The following TMEM229B variants were observed in gnomAD, a reference collection of about 807,000 sequenced individuals.
The protein encoded by TMEM229B is chromosome 14 open reading frame 83.
TMEM229B carries 6 observed loss-of-function variants against 13.7 expected under a neutral mutation model. The observed-to-expected ratio is 0.44, with a 90% confidence interval of 0.24 to 0.86. The LOEUF (loss-of-function observed/expected upper bound fraction) is 0.86, where lower values mean the gene tolerates loss of function less well. TMEM229B is among the 40% of genes least tolerant of loss of function. The pLI is 0.23. For synonymous variants in TMEM229B, 107 were observed against 102.1 expected (o/e 1.05, Z -0.29); for missense variants, 170 against 236.0 (o/e 0.72, Z 1.83).
chr14:67,493,573 C>T (rs572194685), upstream of TMEM229B, among the ~76,000 whole-genome samples: 11 of 152,262 alleles, frequency 7.2e-5, 1 homozygote, highest in South Asian at 1.0e-3. Context: ...TTTCACTTTG[C>T]GACACCAAGC....
At chr14:67,500,568 T>C (rs1349053994) in intron 1 of TMEM229B, among the ~76,000 whole-genome samples, 1 of 148,360 alleles carries the variant, frequency 6.7e-6, no homozygotes, top group Non-Finnish European at 1.5e-5. Flanking sequence ...TCCATGTGCA[T>C]TTGGATTTTT....
chr14:67,527,403 A>C (rs2033384656), intron 1 of TMEM229B, among the ~76,000 whole-genome samples: 1 of 152,152 alleles, frequency 6.6e-6, no homozygotes. Flanking sequence ...GCACCATTGC[A>C]CTCCAGCCTG....
At chr14:67,479,404 C>T (rs1443957299) in intron 2 of TMEM229B, among the ~76,000 whole-genome samples, 1 of 132,190 alleles carries the variant, frequency 7.6e-6, no homozygotes, top group Non-Finnish European at 1.5e-5. Context: ...GAGCAAGACT[C>T]TGTCTCAAAA....
chr14:67,497,504 C>T (rs1401738488), intron 1 of TMEM229B, among the ~76,000 whole-genome samples: 5 of 152,126 alleles, frequency 3.3e-5, no homozygotes, highest in South Asian at 2.1e-4. Context: ...ACCTGGAATG[C>T]AATTCCCACG....
At chr14:67,532,783 G>A (rs1019908408) in intron 1 of TMEM229B, among the ~76,000 whole-genome samples, 5 of 152,212 alleles carry the variant, frequency 3.3e-5, no homozygotes, top group Admixed American at 3.3e-4. Flanking sequence ...ACTGAAATAT[G>A]GACTTCTGTT....
intron 1 of TMEM229B, among the ~76,000 whole-genome samples, chr14:67,497,649 G>A (rs899792784): frequency 5.3e-5 from 8 of 152,158 alleles, no homozygotes; most frequent in African/African-American, 9.7e-5. Flanking sequence ...GTTTTTGCAC[G>A]ATTTTAACAC....
intron 2 of TMEM229B, among the ~76,000 whole-genome samples, chr14:67,474,474 G>T (rs1189496753): frequency 6.6e-6 from 1 of 152,046 alleles, no homozygotes; most frequent in African/African-American, 2.4e-5. Context: ...CTATCCACTG[G>T]GGACCCCATT....
chr14:67,526,489 G>A (rs533123590), intron 1 of TMEM229B, among the ~76,000 whole-genome samples: 26 of 152,322 alleles, frequency 1.7e-4, no homozygotes, highest in Admixed American at 1.6e-3. Context: ...CTAAGAAAGG[G>A]GAGAATATTC....
chr14:67,489,881 T>C (rs1439184729), upstream of TMEM229B, among the ~76,000 whole-genome samples: 2 of 151,980 alleles, frequency 1.3e-5, no homozygotes, highest in African/African-American at 2.4e-5. Flanking sequence ...TCCCAGCTAC[T>C]TGGGAGGCTG....
chr14:67,522,270 T>C (rs923349823), intron 1 of TMEM229B, among the ~76,000 whole-genome samples: 1 of 152,222 alleles, frequency 6.6e-6, no homozygotes, highest in Non-Finnish European at 1.5e-5. Flanking sequence ...TCTCCCACTC[T>C]ACTGCTCTCA....
chr14:67,490,110 T>C (rs537148902), upstream of TMEM229B, among the ~76,000 whole-genome samples: 257 of 152,338 alleles, frequency 1.7e-3, 2 homozygotes, highest in African/African-American at 5.8e-3. Flanking sequence ...CCCAGCTGCA[T>C]TTAAATTCTT....
intron 1 of TMEM229B, among the ~76,000 whole-genome samples, chr14:67,501,584 G>A (rs1014022715): frequency 6.6e-6 from 1 of 152,160 alleles, no homozygotes. Context: ...ACAGGCTATA[G>A]TTATATTGGA....
intron 2 of TMEM229B, among the ~76,000 whole-genome samples, chr14:67,478,330 A>T (rs1360391181): frequency 6.6e-6 from 1 of 152,234 alleles, no homozygotes; most frequent in African/African-American, 2.4e-5. Flanking sequence ...CAAGTCAGCT[A>T]CTAACTCCCA....
intron 1 of TMEM229B, among the ~76,000 whole-genome samples, chr14:67,521,334 G>C (rs1203772814): frequency 1.3e-5 from 2 of 152,198 alleles, no homozygotes; most frequent in African/African-American, 2.4e-5. Context: ...TACTAAGGAT[G>C]CCCTTGAATA....
rs1315732 is a variant in TMEM229B, at chr14:67,471,175, A to C, written c.*2245T>G. 0.58 allele frequency: 88,661 copies of C among 152,084 alleles called. 27,952 individuals are homozygous for C. The highest frequency in any genetic ancestry group is 0.84 in the African/African-American group (34,723 of 41,500). The allele number at this position is 152,084 out of a possible 1,614,324, so 9.4% of individuals were successfully genotyped here. A position where few individuals can be genotyped will look rare whatever the true frequency, so the allele number is the denominator to read the frequency against. ...CCCCAGGACCTCCTGCACTTGGGAA[A>C]GTATAGGACCCAGAGAGGAAATGGT... On this transcript the variant is annotated 3_prime_UTR_variant, in exon 3 of 3. Coordinates refer to ENST00000554480, the MANE Select transcript of TMEM229B (RefSeq NM_001348543.2).
rs1035193884 is a variant in TMEM229B, at chr14:67,485,826, TGAG to T, written c.-19+1171_-19+1173del. Among the ~76,000 whole-genome samples, 96 of 152,318 alleles carry T rather than the reference TGAG, an allele frequency of 6.3e-4. 5 individuals are homozygous for T. The highest frequency in any genetic ancestry group is 2.0e-4 in the Admixed American group (3 of 15,304). On this transcript the variant is annotated intron_variant, in intron 2 of 2. Coordinates refer to ENST00000554480, the MANE Select transcript of TMEM229B (RefSeq NM_001348543.2). ...TCACCCTACCTCGAGCTTGTCTCGC[TGAG>T]GAGGAGATGCTGCTGCTGATATGTG...
At position 67,521,458 on chromosome 14, in the gene TMEM229B, A is replaced by G. The variant is rs138577975; in HGVS notation, c.-192+12178T>C. ...TTTATCAGAAGATTTTGGTATCCAT[A>G]TGTCCATGTGGGAAAGGGGTAGGTA... On this transcript the variant is annotated intron_variant, in intron 1 of 2. Coordinates refer to the TMEM229B transcript ENST00000554278. Among the ~76,000 whole-genome samples, 10 of 152,322 alleles carry G rather than the reference A, an allele frequency of 6.6e-5. No homozygotes were observed. In the East Asian group the frequency reaches 1.9e-3, roughly 29 times the overall value.
intron 1 of TMEM229B, among the ~76,000 whole-genome samples, chr14:67,524,815 A>G (rs1251431022): frequency 1.3e-5 from 2 of 152,132 alleles, no homozygotes; most frequent in African/African-American, 4.8e-5. Flanking sequence ...ATATCAAAAG[A>G]TGTGAGGCCC....
chr14:67,478,789 G>T (rs998107639), intron 2 of TMEM229B, among the ~76,000 whole-genome samples: 1 of 152,066 alleles, frequency 6.6e-6, no homozygotes, highest in Non-Finnish European at 1.5e-5. Context: ...CTCCAGAGTT[G>T]TCTTCCCACT....
Sources: gnomAD v4.1 joint callset for allele counts (sites outside exome capture counted in the v4.1 genomes callset) on GRCh38, gnomAD v4.1.1 for gene constraint, MANE v1.5 for transcripts, NCBI Gene and HGNC (gene_info 2026-07-23, HGNC 2026-07-21) for gene names.